Variants in METTL24 observed in about 807,000 individuals in gnomAD.
The protein encoded by METTL24 is probable methyltransferase-like protein 24.
In METTL24, 29 loss-of-function variants were observed where a neutral mutation model predicts 32.7. That is an observed-to-expected ratio of 0.89 (90% CI 0.66 to 1.21). METTL24 has a LOEUF of 1.21. Ranked by LOEUF, METTL24 falls within the 50% of genes most tolerant of loss-of-function variation. METTL24 has a pLI of 0.00. For missense variants in METTL24, 439 were observed against 468.1 expected, an observed-to-expected ratio of 0.94 and a Z score of 0.57; for synonymous variants, 163 against 179.5, an observed-to-expected ratio of 0.91 and a Z score of 0.73.
intron 4 of METTL24, 57 bp from the exon 5 acceptor site, chr6:110,246,317 G>A (rs1778159926): frequency 2.1e-6 from 3 of 1,444,726 alleles, no homozygotes; most frequent in East Asian, 2.3e-5. Flanking sequence ...CTTGATATCA[G>A]GAGTTTCACA....
chr6:110,305,227 G>T (rs1361568470), intron 3 of METTL24, among the ~76,000 whole-genome samples: 3 of 152,100 alleles, frequency 2.0e-5, no homozygotes, highest in Non-Finnish European at 4.4e-5. Context: ...AAAAACCCTA[G>T]AAGAAAACCT....
At chr6:110,256,617 C>T (rs1778389653) in intron 4 of METTL24, among the ~76,000 whole-genome samples, 1 of 152,136 alleles carries the variant, frequency 6.6e-6, no homozygotes, top group Non-Finnish European at 1.5e-5. Context: ...AACACCCTCC[C>T]CCTGGCCTTC....
chr6:110,246,445 G>T (rs1778162255), intron 4 of METTL24, among the ~76,000 whole-genome samples, 185 bp from the exon 5 acceptor site: 1 of 152,090 alleles, frequency 6.6e-6, no homozygotes, highest in South Asian at 2.1e-4. Flanking sequence ...TAAATGTTTT[G>T]GTTTTTTGTT....
chr6:110,306,485 T>A (rs899789510), intron 3 of METTL24, among the ~76,000 whole-genome samples: 1 of 151,920 alleles, frequency 6.6e-6, no homozygotes, highest in Non-Finnish European at 1.5e-5. Context: ...ATAAATATCA[T>A]AAGCACACAC....
chr6:110,284,292 A>G (rs2114719700), intron 4 of METTL24, among the ~76,000 whole-genome samples: 1 of 152,290 alleles, frequency 6.6e-6, no homozygotes, highest in African/African-American at 2.4e-5. Flanking sequence ...ATGCACAACA[A>G]TGTGAATGTA....
At chr6:110,287,272 A>T (rs959886422) in intron 4 of METTL24, among the ~76,000 whole-genome samples, 4 of 152,294 alleles carry the variant, frequency 2.6e-5, no homozygotes, top group Non-Finnish European at 4.4e-5. Flanking sequence ...GAAGTTCTTG[A>T]CTCATTTTCC....
At chr6:110,339,922 G>A (rs559867175) in intron 1 of METTL24, among the ~76,000 whole-genome samples, 2 of 152,260 alleles carry the variant, frequency 1.3e-5, no homozygotes, top group South Asian at 2.1e-4. Context: ...GGAGGAATAC[G>A]AACATAAACC....
intron 1 of METTL24, among the ~76,000 whole-genome samples, chr6:110,348,691 A>G (rs1431892904): frequency 2.6e-5 from 4 of 152,252 alleles, no homozygotes; most frequent in Non-Finnish European, 5.9e-5. Context: ...ACCAGCTCCA[A>G]CTAAAAATGA....
chr6:110,262,960 G>A (rs1770777908), intron 4 of METTL24, among the ~76,000 whole-genome samples: 1 of 152,074 alleles, frequency 6.6e-6, no homozygotes, highest in Non-Finnish European at 1.5e-5. Flanking sequence ...GGTATTGATG[G>A]GACGTATCTC....
At chr6:110,283,692 T>A (rs1372200933) in intron 4 of METTL24, among the ~76,000 whole-genome samples, 1 of 152,222 alleles carries the variant, frequency 6.6e-6, no homozygotes, top group Non-Finnish European at 1.5e-5. Context: ...CATACTTCTG[T>A]CTTTTCAGCT....
At chr6:110,260,990 C>A (rs1353035886) in intron 4 of METTL24, among the ~76,000 whole-genome samples, 3 of 152,182 alleles carry the variant, frequency 2.0e-5, no homozygotes, top group African/African-American at 7.2e-5. Context: ...AAGGAACAAC[C>A]AGTACCAGCC....
intron 4 of METTL24, 121 bp downstream of exon 4, chr6:110,298,801 G>C (rs1026416836): frequency 1.3e-6 from 1 of 780,490 alleles, no homozygotes; most frequent in Admixed American, 2.4e-5. Context: ...TGGGTGATTA[G>C]TAAGATTAAA....
intron 4 of METTL24, among the ~76,000 whole-genome samples, chr6:110,277,357 T>C (rs1216686659): frequency 6.6e-6 from 1 of 152,172 alleles, no homozygotes; most frequent in East Asian, 1.9e-4. Context: ...AGCTCAGACT[T>C]CATTATATAC....
intron 1 of METTL24, among the ~76,000 whole-genome samples, chr6:110,329,114 G>A (rs1772068396): frequency 6.6e-6 from 1 of 152,204 alleles, no homozygotes; most frequent in African/African-American, 2.4e-5. Flanking sequence ...TATCACAATA[G>A]ATAACTGATA....
intron 4 of METTL24, among the ~76,000 whole-genome samples, chr6:110,256,160 CAT>C (rs899700669): frequency 2.0e-5 from 3 of 152,094 alleles, no homozygotes; most frequent in Non-Finnish European, 2.9e-5. Flanking sequence ...TGTGCACACA[CAT>C]GTGCATACAC....
chr6:110,312,089 A>G (rs1771734166), intron 3 of METTL24, among the ~76,000 whole-genome samples: 1 of 152,178 alleles, frequency 6.6e-6, no homozygotes, highest in South Asian at 2.1e-4. Context: ...TTGAATAAAT[A>G]TATGAAAAAC....
chr6:110,349,697 C>T (rs1262898783), intron 1 of METTL24, among the ~76,000 whole-genome samples: 2 of 152,104 alleles, frequency 1.3e-5, no homozygotes, highest in East Asian at 1.9e-4. Flanking sequence ...ACTTGGGCCC[C>T]GATCACCATG....
chr6:110,323,783 G>A (rs1016741948), intron 1 of METTL24, among the ~76,000 whole-genome samples: 11 of 152,126 alleles, frequency 7.2e-5, no homozygotes, highest in South Asian at 2.1e-4. Flanking sequence ...AGCAGCTGGC[G>A]GGGTCAATGT....
intron 4 of METTL24, among the ~76,000 whole-genome samples, chr6:110,285,226 T>C (rs1445064920): frequency 3.3e-5 from 5 of 152,228 alleles, no homozygotes; most frequent in Admixed American, 6.5e-5. Context: ...ATGGTGATTT[T>C]AAAGAGAAGT....
Sources: gnomAD v4.1 joint callset for allele counts (sites outside exome capture counted in the v4.1 genomes callset) on GRCh38, gnomAD v4.1.1 for gene constraint, MANE v1.5 for transcripts, NCBI Gene and HGNC (gene_info 2026-07-23, HGNC 2026-07-21) for gene names.